Variants in ECD observed in about 807,000 individuals in gnomAD.
ECD encodes ecdysoneless cell cycle regulator.
Under a neutral mutation model 77.2 loss-of-function variants are expected in ECD, and 59 were observed. The observed-to-expected ratio is 0.76, with a 90% CI of 0.62 to 0.95. The LOEUF (loss-of-function observed/expected upper bound fraction) is 0.95, where lower values mean the gene tolerates loss of function less well. Among genes scored for constraint, ECD ranks in the 40% least tolerant of loss-of-function variants. The pLI, the probability that ECD is intolerant of heterozygous loss-of-function variation, is 0.00. For synonymous variants in ECD, 233 were observed against 267.4 expected (o/e 0.87, Z 1.26); for missense variants, 704 against 763.4 (o/e 0.92, Z 0.92).
At position 73,146,273 on chromosome 10, in the gene ECD, C is replaced by A. The variant is rs749329859; in HGVS notation, c.1127+3G>T. The A allele has an allele frequency of 6.3e-7, 1 of 1,581,558 alleles. No individual in the cohort carries two copies. The highest frequency in any genetic ancestry group is 1.2e-5 in the South Asian group (1 of 86,872). On this transcript the variant is annotated splice_donor_region_variant and intron_variant, in intron 9 of 13. Coordinates refer to ENST00000372979, the MANE Select transcript of ECD (RefSeq NM_007265.3). ...TGTAGTAGGAGTCTTAACAATAACTCACCTTTCTGGCCAGTCTACTGAGAG... is the reference window on the plus strand; with the variant it reads ...TGTAGTAGGAGTCTTAACAATAACTAACCTTTCTGGCCAGTCTACTGAGAG...
chr10:73,142,112 CTATT>C (rs761242909), intron 9 of ECD, among the ~76,000 whole-genome samples: 2 of 151,970 alleles, frequency 1.3e-5, no homozygotes, highest in Non-Finnish European at 2.9e-5. Context: ...CTGTGCCTGG[CTATT>C]TATTTATTTT....
Position 73,134,703 on chromosome 10 carries a change from C to T in ECD, c.1815G>A (p.Leu605=), listed in dbSNP as rs1370869432. The change falls in exon 14 of 14, where the codon TTG becomes TTA. Residue 605 remains leucine, a synonymous_variant. Transcript: ENST00000372979. ...GTCCAGCTTGGGAGCTATAGGATTCCAATATATTTGAAACCAGGTTCAGGT... is the reference window on the plus strand; with the variant it reads ...GTCCAGCTTGGGAGCTATAGGATTCTAATATATTTGAAACCAGGTTCAGGT... ...DVDLNLVSNI[L]ESYSSQAGLA... is the part of the protein sequence containing the mutation. The T allele has an allele frequency of 6.2e-7, 1 of 1,614,106 alleles. No homozygotes were observed. The highest frequency in any genetic ancestry group is 8.5e-7 in the Non-Finnish European group (1 of 1,180,022).
rs780067934 is a variant in ECD, at chr10:73,156,292, C to T, written c.573G>A (p.Val191=). The T allele has an allele frequency of 2.3e-5, 37 of 1,598,986 alleles. No homozygotes were observed. The Admixed American group carries it at 5.9e-4, about 25-fold the overall frequency. The part of the protein sequence containing the change: ...ILASESIRAA[V]NRRIRGYPEK... Reference sequence around the variant, plus strand: ...TTTCTTACCCTCTGATGCGCCTATTCACAGCAGCTCGTATAGATTCTGAAG... The same window carrying T: ...TTTCTTACCCTCTGATGCGCCTATTTACAGCAGCTCGTATAGATTCTGAAG... Residue 191 remains valine (V), a synonymous_variant, in exon 5 of 14, where the codon GTG becomes GTA. Coordinates refer to ENST00000372979, the MANE Select transcript of ECD (RefSeq NM_007265.3).
At position 73,134,826 on chromosome 10, in the gene ECD, G is replaced by A. The variant is rs756172925; in HGVS notation, c.1705-13C>T. The A allele has an allele frequency of 1.9e-6, 3 of 1,609,774 alleles. No individual in the cohort carries two copies. The highest frequency in any genetic ancestry group is 1.7e-6 in the Non-Finnish European group (2 of 1,176,512). Reference sequence around the variant, plus strand: ...GGGATACAGGTTCCTTATTCATAGAGGGAAAAGAAAATTATGGGCTAATGT... The same window carrying A: ...GGGATACAGGTTCCTTATTCATAGAAGGAAAAGAAAATTATGGGCTAATGT... On this transcript the variant is annotated splice_polypyrimidine_tract_variant and intron_variant, in intron 13 of 13. Transcript: ENST00000372979.
In ECD at chr10:73,154,309, G is replaced by A. The variant is rs371770780; in HGVS notation, c.730C>T (p.Arg244Ter). Reference sequence around the variant, plus strand: ...AATGTCTTGAAAACACGACAAGCTCGCAGGTCAATAGGGTCTCGTAGGTAA... The same window carrying A: ...AATGTCTTGAAAACACGACAAGCTCACAGGTCAATAGGGTCTCGTAGGTAA... ...AFYLRDPIDLRACRVFKTFLP... is the reference protein window; with the variant it reads ...AFYLRDPIDL Residue 244 changes from arginine to a stop codon, truncating the protein, a stop_gained, in exon 6 of 14, where the codon CGA (arginine) becomes TGA (stop). Coordinates refer to ENST00000372979, the MANE Select transcript of ECD (RefSeq NM_007265.3). LOFTEE classifies it high-confidence loss of function. The A allele has an allele frequency of 2.3e-5, 37 of 1,612,892 alleles. No homozygotes were observed. Among genetic ancestry groups the A allele is most frequent in the African/African-American group, 5.3e-5 (4 of 74,858 alleles).
At position 73,134,966 on chromosome 10, in the gene ECD, T is replaced by A. The variant is rs577706054; in HGVS notation, c.1705-153A>T. On this transcript the variant is annotated intron_variant, in intron 13 of 13. Coordinates refer to ENST00000372979, the MANE Select transcript of ECD (RefSeq NM_007265.3). ...TTGGTGATATAAACTGAAAATGAAG[T>A]CTACAAGTTATATGGCCTAGCACAC... Among the ~76,000 whole-genome samples, 19 of 152,308 alleles carry A rather than the reference T, an allele frequency of 1.2e-4. No homozygotes were observed. The South Asian group carries it at 1.7e-3, about 13-fold the overall frequency.
At position 73,139,501 on chromosome 10, in the gene ECD, A is replaced by C. The variant is rs1843023376; in HGVS notation, c.1235-6T>G. ...GAGATCTAACCACTGGTCATCTGAA[A>C]AAGAAGAAAGCATAATACTGCCATT... On this transcript the variant is annotated splice_region_variant and splice_polypyrimidine_tract_variant and intron_variant, in intron 10 of 13. Transcript: ENST00000372979. The C allele has an allele frequency of 6.2e-7, 1 of 1,612,300 alleles. No individual in the cohort carries two copies. The highest frequency in any genetic ancestry group is 1.1e-5 in the South Asian group (1 of 90,852).
rs755472063 is a variant in ECD, at chr10:73,154,461, A to G, written c.591-13T>C. 2 of 1,592,154 alleles carry G rather than the reference A, an allele frequency of 1.3e-6. No homozygotes were observed. Among genetic ancestry groups the G allele is most frequent in the Non-Finnish European group, 1.7e-6 (2 of 1,172,648 alleles). ...TTTTTCTGGGTACCTGGGACAGGTA[A>G]CATAATTACTTTCATTTTACAGTAT... is the stretch of plus-strand genomic sequence containing the variant. On this transcript the variant is annotated splice_polypyrimidine_tract_variant and intron_variant, in intron 5 of 13. Transcript: ENST00000372979.
intron 7 of ECD, among the ~76,000 whole-genome samples, chr10:73,151,123 A>G: frequency 6.6e-6 from 1 of 152,058 alleles, no homozygotes; most frequent in Non-Finnish European, 1.5e-5. Context: ...CTTGGAACCA[A>G]CCCAAATGTC....
At chr10:73,141,911 C>T (rs1430489790) in intron 9 of ECD, among the ~76,000 whole-genome samples, 1 of 152,136 alleles carries the variant, frequency 6.6e-6, no homozygotes, top group Non-Finnish European at 1.5e-5. Context: ...AATCATGTCA[C>T]CATTATGTCA....
At chr10:73,167,742 G>A (rs2133282171) in intron 1 of ECD, 124 bp downstream of exon 1, 1 of 154,210 alleles carries the variant, frequency 6.5e-6, no homozygotes, top group South Asian at 1.9e-4. Context: ...CTGTACATAT[G>A]AGAAAACCCA....
intron 2 of ECD, among the ~76,000 whole-genome samples, chr10:73,163,084 C>T (rs1190650175): frequency 6.6e-6 from 1 of 152,180 alleles, no homozygotes; most frequent in Non-Finnish European, 1.5e-5. Flanking sequence ...AACTCATCTA[C>T]TTGCCAAGAT....
chr10:73,160,242 C>T (rs985993055), intron 3 of ECD, among the ~76,000 whole-genome samples, 192 bp downstream of exon 3: 15 of 150,400 alleles, frequency 1.0e-4, no homozygotes, highest in Non-Finnish European at 1.9e-4. Flanking sequence ...GCCAAGATCA[C>T]ACCACTGCAC....
intron 3 of ECD, among the ~76,000 whole-genome samples, chr10:73,158,982 T>C (rs1843339723): frequency 6.6e-6 from 1 of 152,102 alleles, no homozygotes; most frequent in African/African-American, 2.4e-5. Flanking sequence ...TCCTGAAATA[T>C]TTAAGGATCA....
At chr10:73,157,222 G>T (rs1175998223) in intron 3 of ECD, among the ~76,000 whole-genome samples, 1 of 151,208 alleles carries the variant, frequency 6.6e-6, no homozygotes, top group African/African-American at 2.4e-5. Flanking sequence ...GCTAATTTTT[G>T]TATTTTTAGT....
rs1843221097 is a variant in ECD, at chr10:73,152,273, A to G, written c.912+20T>C. ...CATTTACATAAAGAAAGGAAACAAC[A>G]TTTTCTGGTTCAACATTACCAATTT... is the stretch of plus-strand genomic sequence containing the variant. On this transcript the variant is annotated intron_variant, in intron 7 of 13. Transcript: ENST00000372979. The G allele has an allele frequency of 6.2e-7, 1 of 1,608,646 alleles. No homozygotes were observed. Among genetic ancestry groups the G allele is most frequent in the Admixed American group, 1.7e-5 (1 of 59,832 alleles).
Position 73,154,366 on chromosome 10 carries a change from G to C in ECD, c.673C>G (p.Pro225Ala). Residue 225 changes from proline to alanine, a missense_variant, in exon 6 of 14, where the codon CCC becomes GCC. By Grantham distance (27) the Pro-to-Ala change is conservative (BLOSUM62 -1). Transcript: ENST00000372979. ...TGGACTGCTGCAGCCACCAATCTGGGGCGCTGCTTTAGCACTGCCACAATG... is the reference window on the plus strand; with the variant it reads ...TGGACTGCTGCAGCCACCAATCTGGCGCGCTGCTTTAGCACTGCCACAATG... ...AGIVAVLKQR[P>A]RLVAAAVQAF... 1 of 1,614,128 alleles carries C rather than the reference G, an allele frequency of 6.2e-7. No individual in the cohort carries two copies. The highest frequency in any genetic ancestry group is 1.3e-5 in the African/African-American group (1 of 75,038).
Position 73,136,818 on chromosome 10 carries a change from G to A in ECD, c.1590C>T (p.Gly530=), listed in dbSNP as rs144458458. 196 of 1,613,962 alleles carry A rather than the reference G, an allele frequency of 1.2e-4. 2 individuals are homozygous for A. The African/African-American group carries it at 2.2e-3, about 18-fold the overall frequency. Residue 530 remains glycine, a synonymous_variant, in exon 13 of 14, where the codon GGC becomes GGT. Coordinates refer to ENST00000372979, the MANE Select transcript of ECD (RefSeq NM_007265.3). ...GTGTTCCTTTCAGGGAAGCCTCTTC[G>A]CCAGGTTCGTGTGTTTCAAAGTCCA... ...DDLDFETHEP[G]EEASLKGTLD...
At chr10:73,166,160 A>AT (rs373771139) in intron 1 of ECD, among the ~76,000 whole-genome samples, 67 of 146,318 alleles carry the variant, frequency 4.6e-4, no homozygotes, top group East Asian at 9.9e-4. Flanking sequence ...ACAGAATCTC[A>AT]TTTTTTTTTT....
Sources: gnomAD v4.1 joint callset for allele counts (sites outside exome capture counted in the v4.1 genomes callset) on GRCh38, gnomAD v4.1.1 for gene constraint, MANE v1.5 for transcripts, NCBI Gene and HGNC (gene_info 2026-07-23, HGNC 2026-07-21) for gene names.